COL19A1: variants seen among roughly 807,000 people sequenced by gnomAD.
COL19A1 encodes the protein collagen alpha-1(XIX) chain.
In COL19A1, 159 loss-of-function variants were observed where a neutral mutation model predicts 190.2. The ratio of observed to expected loss-of-function variants is 0.84; its 90% CI spans 0.73 to 0.95. The LOEUF (loss-of-function observed/expected upper bound fraction) is 0.95. Among genes scored for constraint, COL19A1 ranks in the 40% least tolerant of loss-of-function variants. COL19A1 has a pLI of 0.00. For synonymous variants in COL19A1, 509 were observed against 458.9 expected (o/e 1.11, Z -1.39); for missense variants, 1,418 against 1,431.9 (o/e 0.99, Z 0.16).
chr6:70,141,900 C>G lies in COL19A1; in HGVS notation c.1490C>G (p.Pro497Arg). The G allele has an allele frequency of 1.3e-6, 2 of 1,591,770 alleles. No individual in the cohort carries two copies. The highest frequency in any genetic ancestry group is 8.6e-7 in the Non-Finnish European group (1 of 1,160,214). ...TAATTATTTTATTTACAGGGAGAAC[C>G]TGGGGTAATAGGATCACAGGGAGTA... The part of the protein sequence containing the change: ...TKGEKGDRGE[P>R]GVIGSQGVKG... The change falls in exon 21 of 51, where the codon CCT becomes CGT. Residue 497 changes from proline (P) to arginine (R), a missense_variant. Coordinates refer to ENST00000620364, the MANE Select transcript of COL19A1 (RefSeq NM_001858.6).
At chr6:70,123,509 G>A (rs1041019246) in intron 17 of COL19A1, among the ~76,000 whole-genome samples, 4 of 146,578 alleles carry the variant, frequency 2.7e-5, no homozygotes, top group East Asian at 2.0e-4. Context: ...ACATGCACAC[G>A]TATGTTTATT....
At chr6:70,066,088 A>C (rs573894931) in intron 14 of COL19A1, among the ~76,000 whole-genome samples, 48 of 152,222 alleles carry the variant, frequency 3.2e-4, no homozygotes, top group African/African-American at 8.2e-4. Context: ...ACCCAGCCAT[A>C]CCATTACTGG....
At chr6:69,921,058 T>TATATATTCATAGGCGTATC in intron 4 of COL19A1, among the ~76,000 whole-genome samples, 1 of 51,506 alleles carries the variant, frequency 1.9e-5, no homozygotes, top group Non-Finnish European at 3.2e-5. Context: ...AGACATATCA[T>TATATATTCATAGGCGTATC]ATATATTCAT....
chr6:70,050,997 T>C (rs1780170923), intron 14 of COL19A1, among the ~76,000 whole-genome samples: 1 of 146,732 alleles, frequency 6.8e-6, no homozygotes, highest in Non-Finnish European at 1.5e-5. Context: ...TATTTAGTTA[T>C]TTTAGCTTGG....
At chr6:69,921,451 TCATATATA>T (rs1249323657) in intron 4 of COL19A1, among the ~76,000 whole-genome samples, 215 of 20,506 alleles carry the variant, frequency 0.01, 12 homozygotes, top group African/African-American at 0.044. Context: ...ATATCATATA[TCATATATA>T]TCATATATAT....
intron 7 of COL19A1, among the ~76,000 whole-genome samples, chr6:69,933,508 C>T (rs1430828031): frequency 6.6e-6 from 1 of 152,002 alleles, no homozygotes; most frequent in East Asian, 1.9e-4. Flanking sequence ...AGGCACATTC[C>T]CTGCCCTCTC....
intron 17 of COL19A1, among the ~76,000 whole-genome samples, chr6:70,125,649 G>A (rs71559574): frequency 0.045 from 6,871 of 152,226 alleles, 233 homozygotes; most frequent in Middle Eastern, 0.082. Flanking sequence ...CCTAAGGAGT[G>A]AGGTCAGGAA....
At chr6:69,920,458 A>G (rs1256903611) in intron 4 of COL19A1, among the ~76,000 whole-genome samples, 4 of 152,178 alleles carry the variant, frequency 2.6e-5, no homozygotes, top group Admixed American at 1.3e-4. Context: ...TCCAAGATAT[A>G]TGAATTACAA....
intron 47 of COL19A1, among the ~76,000 whole-genome samples, chr6:70,188,931 C>T (rs1183906333): frequency 6.6e-6 from 1 of 152,176 alleles, no homozygotes; most frequent in Non-Finnish European, 1.5e-5. Context: ...TAAAGCAAAA[C>T]TGAGCATTCA....
chr6:69,921,086 T>A (rs1372353348), intron 4 of COL19A1, among the ~76,000 whole-genome samples: 2 of 119,206 alleles, frequency 1.7e-5, no homozygotes, highest in African/African-American at 6.3e-5. Flanking sequence ...TCATATATAT[T>A]CATAGACATA....
intron 9 of COL19A1, 53 bp from the exon 10 acceptor site, chr6:69,959,943 T>C: frequency 6.5e-7 from 1 of 1,546,426 alleles, no homozygotes; most frequent in Non-Finnish European, 8.8e-7. Context: ...CAAAAACGTC[T>C]ATGTTCATAT....
intron 49 of COL19A1, among the ~76,000 whole-genome samples, chr6:70,203,527 C>G (rs1767675299): frequency 6.6e-6 from 1 of 152,072 alleles, no homozygotes; most frequent in Non-Finnish European, 1.5e-5. Flanking sequence ...ACCAGGGAGG[C>G]TAAACAACTT....
chr6:69,959,738 A>G (rs1164688772), intron 9 of COL19A1, among the ~76,000 whole-genome samples: 1 of 152,210 alleles, frequency 6.6e-6, no homozygotes, highest in Non-Finnish European at 1.5e-5. Flanking sequence ...CTCAGTCCCA[A>G]TCAGGTAAGT....
Position 69,994,373 on chromosome 6 carries a change from A to G in COL19A1, c.1027-29254A>G, listed in dbSNP as rs150305149. On this transcript the variant is annotated intron_variant, in intron 11 of 50. Transcript: ENST00000620364. Reference sequence around the variant, plus strand: ...AAGAAGAAAATGCTCTAATCCATGTATCCTGGTCAAACAAGGAACGAGTTA... The same window carrying G: ...AAGAAGAAAATGCTCTAATCCATGTGTCCTGGTCAAACAAGGAACGAGTTA... 1.8e-3 allele frequency among the ~76,000 whole-genome samples: 281 copies of G among 152,244 alleles called. 1 individual carries two copies. The highest frequency in any genetic ancestry group is 6.4e-3 in the African/African-American group (268 of 41,560).
At chr6:69,873,544 A>G (rs972253281) in intron 1 of COL19A1, among the ~76,000 whole-genome samples, 7 of 152,266 alleles carry the variant, frequency 4.6e-5, no homozygotes, top group Non-Finnish European at 1.0e-4. Flanking sequence ...TTACATTCTA[A>G]CTTGACATGG....
chr6:69,979,195 A>G (rs980727865), intron 11 of COL19A1, among the ~76,000 whole-genome samples: 1 of 151,996 alleles, frequency 6.6e-6, no homozygotes. Flanking sequence ...ACAGCCTCCA[A>G]GAAGTCAGCA....
chr6:69,984,569 T>G (rs3793036), intron 11 of COL19A1, among the ~76,000 whole-genome samples: 12,444 of 152,196 alleles, frequency 0.082, 594 homozygotes, highest in East Asian at 0.2. Context: ...GCCCTAATTT[T>G]TATCTTATTT....
rs1158583290 is a variant in COL19A1 at position 69,929,701 on chromosome 6, G to A, written c.666+1G>A. 4 of 1,608,076 alleles carry A rather than the reference G, an allele frequency of 2.5e-6. No individual in the cohort carries two copies. Among genetic ancestry groups the A allele is most frequent in the African/African-American group, 1.3e-5 (1 of 74,640 alleles). ...AGCTTCAGATGGCAAGCCTGTGGAT[G>A]TAAGTTGTGATGTTAGTTGTGAAAG... On this transcript the variant is annotated splice_donor_variant, in intron 6 of 50. Transcript: ENST00000620364. LOFTEE classifies it high-confidence loss of function.
Position 70,181,955 on chromosome 6 carries a change from T to C in COL19A1, c.2775+1432T>C, listed in dbSNP as rs56145028. 7.7e-3 allele frequency among the ~76,000 whole-genome samples: 1,178 copies of C among 152,320 alleles called. 10 individuals carry two copies. The highest frequency in any genetic ancestry group is 0.012 in the Non-Finnish European group (822 of 68,026). On this transcript the variant is annotated intron_variant, in intron 44 of 50. Coordinates refer to ENST00000620364, the MANE Select transcript of COL19A1 (RefSeq NM_001858.6). ...AAGATACGGAGGGAGATGTAGGCAG[T>C]GGCCAGACCATGAAGAACTTCCAAG...
Sources: allele counts gnomAD v4.1 joint callset (sites outside exome capture counted in the v4.1 genomes callset), GRCh38; gene constraint gnomAD v4.1.1; transcripts MANE v1.5; gene names NCBI Gene and HGNC (gene_info 2026-07-23, HGNC 2026-07-21).